Variants in PTGES observed in about 807,000 individuals in gnomAD.
PTGES encodes MGST1-like 1.
PTGES carries 3 observed loss-of-function variants against 11.8 expected under a neutral mutation model. That is an observed-to-expected ratio of 0.25 (90% CI 0.12 to 0.66). The LOEUF is 0.66. Among genes scored for constraint, PTGES ranks in the 30% least tolerant of loss-of-function variants. The pLI, the probability that PTGES is intolerant of heterozygous loss-of-function variation, is 0.82. For synonymous variants in PTGES, 94 were observed against 90.4 expected (o/e 1.04, Z -0.22); for missense variants, 180 against 213.0 (o/e 0.85, Z 0.96).
rs1167562417 is a variant in PTGES, at chr9:129,745,905, G to T, written c.209+2750C>A. Among the ~76,000 whole-genome samples, 1 of 151,926 alleles carries T rather than the reference G, an allele frequency of 6.6e-6. No individual in the cohort carries two copies. The highest frequency in any genetic ancestry group is 1.5e-5 in the Non-Finnish European group (1 of 67,986). ...CAAAAATTAGCTGGCGTGGTCACAG[G>T]TGCCTGTAATCCCAGCTACTCGGGA... On this transcript the variant is annotated intron_variant, in intron 2 of 2. Transcript: ENST00000340607. The surrounding 1 kb of genome is among the most constrained non-coding windows in gnomAD (Gnocchi z 4.2).
chr9:129,741,129 G>T (rs553581588), intron 2 of PTGES, among the ~76,000 whole-genome samples: 1 of 152,194 alleles, frequency 6.6e-6, no homozygotes, highest in Non-Finnish European at 1.5e-5. Flanking sequence ...TGCCTGGGGT[G>T]GGGGTGGGCA....
intron 1 of PTGES, among the ~76,000 whole-genome samples, 182 bp from the exon 2 acceptor site, chr9:129,748,919 G>GC (rs1336464808): frequency 6.6e-6 from 1 of 152,174 alleles, no homozygotes; most frequent in Non-Finnish European, 1.5e-5. Context: ...CCATGAAAAG[G>GC]CCCCCCTGTC....
At position 129,739,174 on chromosome 9, in the gene PTGES, G is replaced by A. The variant is rs1299384037; in HGVS notation, c.*437C>T. On this transcript the variant is annotated 3_prime_UTR_variant, in exon 3 of 3. Transcript: ENST00000340607. This position sits in a 1 kb window ranked among gnomAD's most constrained non-coding sequence, Gnocchi z 5.7. The stretch of plus-strand genomic sequence containing the variant: ...GATGGCCAGGCTTGCCTCTAGATTG[G>A]CTGGGCCAGAATTTCTGGGGTCAGT... 6.0e-6 allele frequency: 1 copy of A among 165,298 alleles called. No individual in the cohort carries two copies. Among genetic ancestry groups the A allele is most frequent in the African/African-American group, 2.4e-5 (1 of 41,586 alleles). The allele number at this position is 165,298 out of a possible 1,614,324, so 10.2% of individuals were successfully genotyped here.
intron 1 of PTGES, chr9:129,749,503 G>C (rs1351263286): frequency 6.6e-6 from 1 of 152,284 alleles, no homozygotes; most frequent in Non-Finnish European, 1.5e-5. Context: ...AAAATTAGCT[G>C]TGTGTGGTGA....
At position 129,739,479 on chromosome 9, in the gene PTGES, AC is replaced by A; in HGVS notation, c.*131del. On this transcript the variant is annotated 3_prime_UTR_variant, in exon 3 of 3. Transcript: ENST00000340607. This position sits in a 1 kb window ranked among gnomAD's most constrained non-coding sequence, Gnocchi z 5.7. The stretch of plus-strand genomic sequence containing the variant: ...ACAGGCCCACTGTGCCCAGAGACCC[AC>A]ACGCGCAGCAGGCTGCCAGGAAACC... 7.7e-7 allele frequency: 1 copy of A among 1,299,254 alleles called. No homozygotes were observed. Among genetic ancestry groups the A allele is most frequent in the Non-Finnish European group, 1.0e-6 (1 of 968,156 alleles). The allele number at this position is 1,299,254 out of a possible 1,614,324, so 80.5% of individuals were successfully genotyped here.
Position 129,753,024 on chromosome 9 carries a change from G to A in PTGES, c.-12C>T, listed in dbSNP as rs895224959. ...CTGTGGGCAGGCATCTCTGGCCAGC[G>A]CAGCTCAACTGTGGGTGTGATCAGC... On this transcript the variant is annotated 5_prime_UTR_variant, in exon 1 of 3. Transcript: ENST00000340607. 12 of 1,600,858 alleles carry A rather than the reference G, an allele frequency of 7.5e-6. No homozygotes were observed. Among genetic ancestry groups the A allele is most frequent in the Middle Eastern group, 1.7e-4 (1 of 5,882 alleles).
chr9:129,752,340 G>A (rs1833120446), intron 1 of PTGES, among the ~76,000 whole-genome samples: 2 of 152,240 alleles, frequency 1.3e-5, no homozygotes, highest in South Asian at 2.1e-4. Flanking sequence ...TCTGGGACTC[G>A]TTAATGTTGT....
chr9:129,750,587 GC>G (rs908518500), intron 1 of PTGES, among the ~76,000 whole-genome samples: 1 of 152,212 alleles, frequency 6.6e-6, no homozygotes, highest in African/African-American at 2.4e-5. Flanking sequence ...AGGCCAGGAA[GC>G]CCCCAGTGTC....
chr9:129,743,567 C>A (rs529968664), intron 2 of PTGES, among the ~76,000 whole-genome samples: 2 of 152,324 alleles, frequency 1.3e-5, no homozygotes, highest in East Asian at 3.9e-4. Context: ...ACAGTGATCC[C>A]CAGATGGCCA....
intron 2 of PTGES, among the ~76,000 whole-genome samples, chr9:129,740,491 C>A (rs2130949294): frequency 6.6e-6 from 1 of 152,296 alleles, no homozygotes; most frequent in East Asian, 1.9e-4. Flanking sequence ...ACAATCATAA[C>A]AAGATCCGCT....
At chr9:129,748,567 A>G (rs1158781541) in intron 2 of PTGES, 88 bp downstream of exon 2, 1 of 1,039,460 alleles carries the variant, frequency 9.6e-7, no homozygotes, top group African/African-American at 1.7e-5. Flanking sequence ...AGCCCCTGGG[A>G]GTCCTCCAAG....
At position 129,752,750 on chromosome 9, in the gene PTGES, C is replaced by T. The variant is rs1564164496; in HGVS notation, c.126+137G>A. On this transcript the variant is annotated intron_variant, in intron 1 of 2. Coordinates refer to ENST00000340607, the MANE Select transcript of PTGES (RefSeq NM_004878.5). ...CACGTGGGACTGGCAGGAAGCCCCC[C>T]GGCGGGGCTGGAAGAGGTGCTCACC... 3.8e-6 allele frequency: 5 copies of T among 1,325,432 alleles called. No homozygotes were observed. The South Asian group carries it at 3.9e-5, about 10-fold the overall frequency. 82.1% of individuals were successfully genotyped at this position (1,325,432 alleles called of 1,614,324 possible). A position where few individuals can be genotyped will look rare whatever the true frequency, so the allele number is the denominator to read the frequency against.
chr9:129,741,429 C>T lies in PTGES; in HGVS notation c.210-1569G>A, dbSNP rs569026175. Among the ~76,000 whole-genome samples the T allele has an allele frequency of 5.9e-5, 9 of 152,320 alleles. No individual in the cohort carries two copies. In the South Asian group the frequency reaches 1.0e-3, roughly 18 times the overall value. ...AGGACACAGCACCTGGCATCTGGGT[C>T]CGCATATCCCGAGACTGACATGAAC... On this transcript the variant is annotated intron_variant, in intron 2 of 2. Transcript: ENST00000340607.
intron 2 of PTGES, among the ~76,000 whole-genome samples, chr9:129,742,801 G>C (rs1192787208): frequency 1.3e-5 from 2 of 151,916 alleles, no homozygotes; most frequent in Admixed American, 1.3e-4. Context: ...GAACCCGGGA[G>C]ACAGAGGTTG....
chr9:129,746,728 C>T (rs373503738), intron 2 of PTGES, among the ~76,000 whole-genome samples: 3 of 152,306 alleles, frequency 2.0e-5, no homozygotes, highest in South Asian at 2.1e-4. Context: ...TCCAGCTCTC[C>T]GTCCTCCCCA....
Position 129,752,869 on chromosome 9 carries a change from C to G in PTGES, c.126+18G>C, listed in dbSNP as rs760532850. ...AGCAAGTATGACCCAGGCCGGGGACCCCCAGGGAGGCACATACCTTCTTCC... is the reference window on the plus strand; with the variant it reads ...AGCAAGTATGACCCAGGCCGGGGACGCCCAGGGAGGCACATACCTTCTTCC... On this transcript the variant is annotated intron_variant, in intron 1 of 2. Coordinates refer to ENST00000340607, the MANE Select transcript of PTGES (RefSeq NM_004878.5). 6.2e-7 allele frequency: 1 copy of G among 1,613,938 alleles called. No homozygotes were observed. Among genetic ancestry groups the G allele is most frequent in the Admixed American group, 1.7e-5 (1 of 60,028 alleles).
intron 2 of PTGES, among the ~76,000 whole-genome samples, chr9:129,747,031 G>A (rs1833054306): frequency 2.0e-5 from 3 of 152,186 alleles, no homozygotes; most frequent in Admixed American, 6.5e-5. Flanking sequence ...TCCCGCCTCA[G>A]CCTCCCGAGT....
chr9:129,749,660 AAAAC>A (rs1188979522), intron 1 of PTGES: 1 of 152,342 alleles, frequency 6.6e-6, no homozygotes, highest in Non-Finnish European at 1.5e-5. Context: ...CAAAAAAAAT[AAAAC>A]AAACAATCTG....
At position 129,740,445 on chromosome 9, in the gene PTGES, T is replaced by C. The variant is rs369313542; in HGVS notation, c.210-585A>G. Among the ~76,000 whole-genome samples, 136 of 152,170 alleles carry C rather than the reference T, an allele frequency of 8.9e-4. 1 individual carries two copies. The highest frequency in any genetic ancestry group is 3.1e-3 in the African/African-American group (127 of 41,520). On this transcript the variant is annotated intron_variant, in intron 2 of 2. Transcript: ENST00000340607. ...ATGAATGCCGGGCTCTGTCTCCTTT[T>C]CCCCCTAAATCTAACTACCACCTGT...
Sources: gnomAD v4.1 joint callset for allele counts (sites outside exome capture counted in the v4.1 genomes callset) on GRCh38, gnomAD v4.1.1 for gene constraint, Gnocchi (gnomAD v3.1) non-coding constraint, MANE v1.5 for transcripts, NCBI Gene and HGNC (gene_info 2026-07-23, HGNC 2026-07-21) for gene names.